TULP4: variants seen among roughly 807,000 people sequenced by gnomAD.
TULP4 encodes the protein tubby-related protein 4.
Under a neutral mutation model 129.0 loss-of-function variants are expected in TULP4, and 16 were observed. The ratio of observed to expected loss-of-function variants is 0.12; its 90% CI spans 0.08 to 0.19. The LOEUF is 0.19. TULP4 is among the 10% of genes least tolerant of loss of function. TULP4 has a pLI of 1.00. For synonymous variants in TULP4, 998 were observed against 854.0 expected (o/e 1.17, Z -2.94); for missense variants, 1,842 against 2,059.1 (o/e 0.89, Z 2.04).
At chr6:158,349,621 T>G (rs1313191005) in intron 1 of TULP4, among the ~76,000 whole-genome samples, 9 of 128,756 alleles carry the variant, frequency 7.0e-5, no homozygotes, top group Non-Finnish European at 3.2e-5. Context: ...GAGGCGCCCC[T>G]CACTTCCCAG....
At position 158,479,733 on chromosome 6, in the gene TULP4, C is replaced by G. The variant is rs1294946255; in HGVS notation, c.1027-18C>G. Reference sequence around the variant, plus strand: ...AGAGCAAAAGCTTAAGCATTGTCTTCCCTTCACTTCCTGCCAGCGCCCCAT... The same window carrying G: ...AGAGCAAAAGCTTAAGCATTGTCTTGCCTTCACTTCCTGCCAGCGCCCCAT... On this transcript the variant is annotated intron_variant, in intron 6 of 13. Coordinates refer to ENST00000367097, the MANE Select transcript of TULP4 (RefSeq NM_020245.5). The G allele has an allele frequency of 1.9e-6, 3 of 1,608,464 alleles. No individual in the cohort carries two copies. In the African/African-American group the frequency reaches 4.0e-5, roughly 21 times the overall value.
intron 1 of TULP4, among the ~76,000 whole-genome samples, chr6:158,374,542 C>A (rs1157068165): frequency 6.6e-6 from 1 of 152,206 alleles, no homozygotes; most frequent in African/African-American, 2.4e-5. Context: ...TTGCTTCTAG[C>A]CTGCTACTGA....
intron 1 of TULP4, among the ~76,000 whole-genome samples, chr6:158,387,259 G>A (rs1445269880): frequency 6.6e-6 from 1 of 152,090 alleles, no homozygotes; most frequent in Non-Finnish European, 1.5e-5. Flanking sequence ...CTGCTGGTCA[G>A]GAACATCCAA....
rs147171952 is a variant in TULP4 at position 158,369,433 on chromosome 6, C to T, written c.253-43632C>T. On this transcript the variant is annotated intron_variant, in intron 1 of 13. Coordinates refer to ENST00000367097, the MANE Select transcript of TULP4 (RefSeq NM_020245.5). ...ATCATCACTTAAGCCAGGGACATCA[C>T]GGCTGAAGTGAGCCTTGATTATGTC... Among the ~76,000 whole-genome samples, 549 of 152,254 alleles carry T rather than the reference C, an allele frequency of 3.6e-3. 5 individuals carry two copies. Among genetic ancestry groups the T allele is most frequent in the African/African-American group, 0.013 (532 of 41,540 alleles).
chr6:158,484,295 A>T (rs1045678414), intron 8 of TULP4, among the ~76,000 whole-genome samples: 3 of 149,398 alleles, frequency 2.0e-5, no homozygotes, highest in Admixed American at 2.0e-4. Flanking sequence ...CCCAGACTGG[A>T]GTGCAGTGGT....
chr6:158,494,657 G>A (rs888108077), intron 10 of TULP4, 96 bp from the exon 11 acceptor site: 13 of 1,150,024 alleles, frequency 1.1e-5, no homozygotes, highest in Middle Eastern at 2.0e-4. Flanking sequence ...GCACACTCGT[G>A]GCTTAAGTAA....
At chr6:158,415,185 T>C (rs1032056047) in intron 2 of TULP4, among the ~76,000 whole-genome samples, 51 of 152,206 alleles carry the variant, frequency 3.4e-4, no homozygotes, top group African/African-American at 1.2e-3. Context: ...GCATGACACA[T>C]GACTCGTGTT....
intron 1 of TULP4, among the ~76,000 whole-genome samples, chr6:158,260,537 C>G (rs2128457108): frequency 6.7e-6 from 1 of 149,552 alleles, no homozygotes; most frequent in East Asian, 2.0e-4. Context: ...GATCACGCCA[C>G]TGCACTCCAA....
chr6:158,440,562 G>A (rs1778868922), intron 3 of TULP4, among the ~76,000 whole-genome samples: 1 of 152,176 alleles, frequency 6.6e-6, no homozygotes, highest in African/African-American at 2.4e-5. Context: ...TGACTTTTTA[G>A]TAGTGTGAAT....
At chr6:158,457,704 A>G (rs1000213274) in intron 5 of TULP4, among the ~76,000 whole-genome samples, 1 of 151,718 alleles carries the variant, frequency 6.6e-6, no homozygotes, top group African/African-American at 2.4e-5. Flanking sequence ...AAAAGCTCCA[A>G]CCCCTGAGCT....
chr6:158,261,128 A>T (rs1030791749), intron 1 of TULP4, among the ~76,000 whole-genome samples: 5 of 152,094 alleles, frequency 3.3e-5, no homozygotes, highest in African/African-American at 1.2e-4. Context: ...TGAAAAGTGT[A>T]TTTCTAGATC....
At chr6:158,241,391 G>A (rs1311596765) in intron 1 of TULP4, among the ~76,000 whole-genome samples, 1 of 139,568 alleles carries the variant, frequency 7.2e-6, no homozygotes, top group African/African-American at 2.5e-5. Context: ...GGCCAAGGCA[G>A]GCGGCTGGGA....
rs756178566 is a variant in TULP4, at chr6:158,501,756, C to T, written c.2093C>T (p.Ala698Val). The change falls in exon 13 of 14, where the codon GCT (alanine) becomes GTT (valine). Residue 698 changes from alanine (A) to valine (V), a missense_variant. Around this residue, in one of 5 missense-constraint regions of TULP4, gnomAD observed 99 missense variants for 165.1 expected, o/e 0.60. Coordinates refer to ENST00000367097, the MANE Select transcript of TULP4 (RefSeq NM_020245.5). ...CCTATTGCACCGATCCACAGCTCGG[C>T]TCAGGCTATGTCCCCCACGCAGAGC... The part of the protein sequence containing the change: ...NIPIAPIHSS[A>V]QAMSPTQSIG... 2.5e-6 allele frequency: 4 copies of T among 1,614,176 alleles called. No homozygotes were observed. The highest frequency in any genetic ancestry group is 1.7e-5 in the Admixed American group (1 of 60,032).
chr6:158,503,835 T>G lies in TULP4; in HGVS notation c.4172T>G (p.Leu1391Arg), dbSNP rs1780532991. 1.2e-6 allele frequency: 2 copies of G among 1,614,028 alleles called. No homozygotes were observed. Among genetic ancestry groups the G allele is most frequent in the Non-Finnish European group, 8.5e-7 (1 of 1,180,020 alleles). Reference protein sequence around the residue: ...KKKVKSQKDQLKSKKLNKTNE... With the variant: ...KKKVKSQKDQRKSKKLNKTNE... Reference sequence around the variant, plus strand: ...AAAGTGAAGAGTCAGAAAGACCAACTGAAGTCAAAGAAGTTGAATAAGACA... The same window carrying G: ...AAAGTGAAGAGTCAGAAAGACCAACGGAAGTCAAAGAAGTTGAATAAGACA... Residue 1391 changes from leucine (L) to arginine (R), a missense_variant, in exon 13 of 14, where the codon CTG (leucine) becomes CGG (arginine). Physicochemically the swap from Leu to Arg is moderately radical, Grantham distance 102. This residue lies in a region of TULP4 where 1,089 missense variants were observed against 987.1 expected (regional missense o/e 1.10). Coordinates refer to ENST00000367097, the MANE Select transcript of TULP4 (RefSeq NM_020245.5). The surrounding 1 kb of genome is among the most constrained non-coding windows in gnomAD (Gnocchi z 4.3).
intron 1 of TULP4, among the ~76,000 whole-genome samples, chr6:158,306,016 T>C (rs1413202245): frequency 6.6e-6 from 1 of 152,210 alleles, no homozygotes; most frequent in Non-Finnish European, 1.5e-5. Flanking sequence ...GGCACCAGCC[T>C]TTCAGGAATT....
chr6:158,380,026 A>G (rs1057101168), intron 1 of TULP4, among the ~76,000 whole-genome samples: 3 of 152,156 alleles, frequency 2.0e-5, no homozygotes, highest in African/African-American at 7.2e-5. Flanking sequence ...AGTTGTTTAA[A>G]AGAACAATGA....
At chr6:158,356,460 C>T (rs1780650039) in intron 1 of TULP4, among the ~76,000 whole-genome samples, 1 of 152,062 alleles carries the variant, frequency 6.6e-6, no homozygotes, top group African/African-American at 2.4e-5. Flanking sequence ...GTTTGGAGGT[C>T]GTTGTTTTTC....
chr6:158,356,098 G>C (rs1415899454), intron 1 of TULP4, among the ~76,000 whole-genome samples: 4 of 152,228 alleles, frequency 2.6e-5, no homozygotes, highest in Admixed American at 2.6e-4. Context: ...CATCTTATTT[G>C]TTTACATTAT....
intron 1 of TULP4, among the ~76,000 whole-genome samples, chr6:158,286,655 A>G (rs1270522332): frequency 6.6e-6 from 1 of 152,158 alleles, no homozygotes; most frequent in Non-Finnish European, 1.5e-5. Flanking sequence ...GCTTGGGGAT[A>G]TTTTTAGCTA....
Sources: gnomAD v4.1 joint callset for allele counts (sites outside exome capture counted in the v4.1 genomes callset) on GRCh38, gnomAD v4.1.1 for gene constraint, gnomAD v4.1.1 regional missense constraint, Gnocchi (gnomAD v3.1) non-coding constraint, MANE v1.5 for transcripts, NCBI Gene and HGNC (gene_info 2026-07-23, HGNC 2026-07-21) for gene names.